Variants in GRID1 observed in about 807,000 individuals in gnomAD.
The protein encoded by GRID1 is glutamate receptor ionotropic, delta-1.
In GRID1, 28 loss-of-function variants were observed where a neutral mutation model predicts 98.0. The observed-to-expected ratio is 0.29, with a 90% confidence interval of 0.21 to 0.39. The LOEUF (loss-of-function observed/expected upper bound fraction) is 0.39, where lower values mean the gene tolerates loss of function less well. Among genes scored for constraint, GRID1 ranks in the 10% least tolerant of loss-of-function variants. GRID1 has a pLI of 1.00. For missense variants in GRID1, 1,111 were observed against 1,340.5 expected, an observed-to-expected ratio of 0.83 and a Z score of 2.67; for synonymous variants, 553 against 538.5, an observed-to-expected ratio of 1.03 and a Z score of -0.37.
chr10:85,664,356 C>G (rs1043621024), intron 12 of GRID1, among the ~76,000 whole-genome samples: 7 of 152,142 alleles, frequency 4.6e-5, no homozygotes, highest in Non-Finnish European at 1.0e-4. Context: ...GTCCTGTAGC[C>G]AGTAAGGGGC....
intron 15 of GRID1, among the ~76,000 whole-genome samples, chr10:85,611,298 G>A (rs1170517436): frequency 6.6e-6 from 1 of 152,134 alleles, no homozygotes; most frequent in East Asian, 1.9e-4. Context: ...CATTGTGAAG[G>A]GACAAAGCTA....
chr10:86,153,895 G>A (rs906710660), intron 3 of GRID1, among the ~76,000 whole-genome samples: 10 of 152,092 alleles, frequency 6.6e-5, no homozygotes, highest in Admixed American at 6.5e-4. Flanking sequence ...TGGGGGCGGG[G>A]AGGCAGGGTA....
chr10:86,095,445 C>T (rs1294324493), intron 4 of GRID1, among the ~76,000 whole-genome samples: 2 of 152,164 alleles, frequency 1.3e-5, no homozygotes, highest in Non-Finnish European at 2.9e-5. Context: ...AAAATCTTCA[C>T]AATCTATACA....
intron 5 of GRID1, 58 bp from the exon 6 acceptor site, chr10:85,869,238 A>C: frequency 6.7e-7 from 1 of 1,491,020 alleles, no homozygotes; most frequent in Non-Finnish European, 9.3e-7. Context: ...TCTGCAAGAG[A>C]CCTATCAGGA....
intron 12 of GRID1, among the ~76,000 whole-genome samples, chr10:85,718,996 T>G (rs1841670886): frequency 6.6e-6 from 1 of 152,232 alleles, no homozygotes; most frequent in Non-Finnish European, 1.5e-5. Context: ...TTGAATGCTT[T>G]GCTGCTTAGA....
intron 4 of GRID1, among the ~76,000 whole-genome samples, chr10:86,005,246 G>A (rs1383612560): frequency 1.3e-5 from 2 of 151,936 alleles, no homozygotes; most frequent in South Asian, 2.1e-4. Context: ...AGCCAACCAC[G>A]ATGGCTCCCA....
Position 85,915,740 on chromosome 10 carries a change from C to T in GRID1, c.780+446G>A, listed in dbSNP as rs558041621. On this transcript the variant is annotated intron_variant, in intron 5 of 15. Transcript: ENST00000327946. ...ACACACCTGGATTCACACTCTCGCA[C>T]GCATGTGCACACCCTGCATACACAC... Among the ~76,000 whole-genome samples the T allele has an allele frequency of 2.8e-4, 42 of 152,232 alleles. No individual in the cohort carries two copies. The East Asian group carries it at 4.8e-3, about 18-fold the overall frequency.
intron 12 of GRID1, among the ~76,000 whole-genome samples, chr10:85,650,448 C>T: frequency 6.6e-6 from 1 of 152,182 alleles, no homozygotes; most frequent in East Asian, 1.9e-4. Context: ...ATGCACGATG[C>T]AACTTGCTGA....
At chr10:85,910,419 G>A (rs544706628) in intron 5 of GRID1, among the ~76,000 whole-genome samples, 1 of 152,206 alleles carries the variant, frequency 6.6e-6, no homozygotes, top group African/African-American at 2.4e-5. Flanking sequence ...GTTTTACCTT[G>A]GTGTGTGCTT....
chr10:85,769,918 G>C (rs564720422), intron 8 of GRID1, among the ~76,000 whole-genome samples: 3 of 152,178 alleles, frequency 2.0e-5, no homozygotes, highest in Non-Finnish European at 2.9e-5. Context: ...ACAAAAACAC[G>C]GCAGTAACCT....
At chr10:85,702,847 GGTAA>G (rs1027098748) in intron 12 of GRID1, among the ~76,000 whole-genome samples, 13 of 151,756 alleles carry the variant, frequency 8.6e-5, no homozygotes, top group Admixed American at 8.6e-4. Flanking sequence ...ACAGGCATGT[GGTAA>G]GTGAGAAGAA....
intron 8 of GRID1, among the ~76,000 whole-genome samples, chr10:85,733,219 T>G (rs1477953804): frequency 6.6e-6 from 1 of 152,194 alleles, no homozygotes; most frequent in East Asian, 1.9e-4. Context: ...TTCCTTCTAC[T>G]CTTGGCATAA....
chr10:86,158,042 G>A (rs186079434), intron 3 of GRID1, among the ~76,000 whole-genome samples: 73 of 152,322 alleles, frequency 4.8e-4, no homozygotes, highest in African/African-American at 1.7e-3. Context: ...ATTTTCTGCT[G>A]TGTCATTTCA....
chr10:85,599,788 T>TAAAAAAAAAAAAAAAAAAAAAAAAAAAAA lies in GRID1; in HGVS notation c.*2484_*2485insTTTTTTTTTTTTTTTTTTTTTTTTTTTTT, dbSNP rs1220249442. On this transcript the variant is annotated 3_prime_UTR_variant, in exon 16 of 16. Coordinates refer to ENST00000327946, the MANE Select transcript of GRID1 (RefSeq NM_017551.3). ...CCCTCATGCCAAGGGTAGAAAATTC[T>TAAAAAAAAAAAAAAAAAAAAAAAAAAAAA]AAAAAAAAAAAAAAATATATATATA... 1 of 76,114 alleles carries TAAAAAAAAAAAAAAAAAAAAAAAAAAAAA rather than the reference T, an allele frequency of 1.3e-5. No individual in the cohort carries two copies. The highest frequency in any genetic ancestry group is 8.5e-5 in the African/African-American group (1 of 11,738). The allele number at this position is 76,114 out of a possible 1,614,324, so 4.7% of individuals were successfully genotyped here.
Position 86,347,880 on chromosome 10 carries a change from TGACA to T in GRID1, c.235+16057_235+16060del, listed in dbSNP as rs199519183. On this transcript the variant is annotated intron_variant, in intron 2 of 15. Transcript: ENST00000327946. ...TCTCAGATGGTCCGCTTTAGCATTC[TGACA>T]AACACACACGTGGGCCACAACTTCC... Among the ~76,000 whole-genome samples the T allele has an allele frequency of 7.9e-4, 121 of 152,292 alleles. No individual in the cohort carries two copies. In the East Asian group the frequency reaches 0.012, roughly 15 times the overall value.
intron 5 of GRID1, among the ~76,000 whole-genome samples, chr10:85,894,186 T>A (rs1841247242): frequency 6.6e-6 from 1 of 152,178 alleles, no homozygotes; most frequent in Non-Finnish European, 1.5e-5. Flanking sequence ...GAAGGGCAAT[T>A]GATTTTTGAC....
chr10:86,176,154 T>C (rs1051530317), intron 3 of GRID1, among the ~76,000 whole-genome samples: 2 of 152,222 alleles, frequency 1.3e-5, no homozygotes, highest in African/African-American at 4.8e-5. Flanking sequence ...GAATCAGCTG[T>C]TGGGCTGAGT....
intron 4 of GRID1, among the ~76,000 whole-genome samples, chr10:85,958,698 C>T (rs1286500523): frequency 6.6e-6 from 1 of 152,120 alleles, no homozygotes; most frequent in Non-Finnish European, 1.5e-5. Flanking sequence ...TGGCTCACAC[C>T]TGTAATCCCA....
intron 2 of GRID1, among the ~76,000 whole-genome samples, chr10:86,277,176 G>A (rs896183711): frequency 3.3e-5 from 5 of 152,134 alleles, no homozygotes; most frequent in African/African-American, 1.2e-4. Flanking sequence ...TGTACTTAAG[G>A]CCACTGAACA....
Sources: allele counts gnomAD v4.1 joint callset (sites outside exome capture counted in the v4.1 genomes callset), GRCh38; gene constraint gnomAD v4.1.1; transcripts MANE v1.5; gene names NCBI Gene and HGNC (gene_info 2026-07-23, HGNC 2026-07-21).